Variants in PTCHD4 observed in about 807,000 individuals in gnomAD.
PTCHD4 encodes patched domain-containing protein 4.
PTCHD4 carries 33 observed loss-of-function variants against 58.1 expected under a neutral mutation model. That is an observed-to-expected ratio of 0.57 (90% CI 0.43 to 0.76). The LOEUF is 0.76. PTCHD4 is among the 30% of genes least tolerant of loss of function. PTCHD4 has a pLI of 0.00. For synonymous variants in PTCHD4, 478 were observed against 409.6 expected (o/e 1.17, Z -2.02); for missense variants, 1,058 against 1,027.1 (o/e 1.03, Z -0.41).
chr6:48,061,098 G>T (rs903982882), intron 3 of PTCHD4, among the ~76,000 whole-genome samples: 1 of 152,170 alleles, frequency 6.6e-6, no homozygotes, highest in African/African-American at 2.4e-5. Context: ...CCCATGTATG[G>T]TTCCCATATC....
intron 4 of PTCHD4, among the ~76,000 whole-genome samples, chr6:47,911,423 T>C (rs1270771067): frequency 6.6e-6 from 1 of 152,160 alleles, no homozygotes; most frequent in African/African-American, 2.4e-5. Context: ...GTTTCTAATC[T>C]CTATGCTGCT....
rs528768571 is a variant in PTCHD4 at position 48,004,437 on chromosome 6, A to G, written c.898+4197T>C. Among the ~76,000 whole-genome samples, 43 of 152,290 alleles carry G rather than the reference A, an allele frequency of 2.8e-4. No homozygotes were observed. In the South Asian group the frequency reaches 8.3e-3, roughly 29 times the overall value. Reference sequence around the variant, plus strand: ...AAAGCACAGAATGAGCCAGCTTGGCATCTGTGTGTAATATTAGCCCATATT... The same window carrying G: ...AAAGCACAGAATGAGCCAGCTTGGCGTCTGTGTGTAATATTAGCCCATATT... On this transcript the variant is annotated intron_variant, in intron 4 of 4. Transcript: ENST00000339488.
At chr6:48,037,904 T>TAAAAAAAA (rs200442793) in intron 3 of PTCHD4, among the ~76,000 whole-genome samples, 1 of 93,506 alleles carries the variant, frequency 1.1e-5, no homozygotes. Context: ...ATGCTAAAAG[T>TAAAAAAAA]AAAAAAAAAA....
chr6:47,962,884 G>T (rs982468778), intron 4 of PTCHD4, among the ~76,000 whole-genome samples: 13 of 151,784 alleles, frequency 8.6e-5, no homozygotes, highest in African/African-American at 2.7e-4. Flanking sequence ...GGCATGCCAG[G>T]TGCGGTGGCT....
intron 3 of PTCHD4, among the ~76,000 whole-genome samples, chr6:48,057,200 T>G (rs9473222): frequency 6.1e-5 from 9 of 146,704 alleles, no homozygotes; most frequent in African/African-American, 2.3e-4. Context: ...GTTTTTTTTG[T>G]TTTTTTTTTC....
chr6:47,999,785 A>C (rs1768650134), intron 4 of PTCHD4, among the ~76,000 whole-genome samples: 1 of 152,206 alleles, frequency 6.6e-6, no homozygotes, highest in South Asian at 2.1e-4. Context: ...CTAGTCACAG[A>C]TAATTAGAAC....
chr6:47,870,571 A>ATTGGAAACT lies in PTCHD4; in HGVS notation c.*7723_*7731dup, dbSNP rs551001440. On this transcript the variant is annotated 3_prime_UTR_variant, in exon 5 of 5. Coordinates refer to ENST00000339488, the MANE Select transcript of PTCHD4 (RefSeq NM_001384253.1). Reference sequence around the variant, plus strand: ...TTGATAATGGACCAAATTCAGGTGAATTGGAAACTTTGGAAACTTTGGAAG... The same window carrying ATTGGAAACT: ...TTGATAATGGACCAAATTCAGGTGAATTGGAAACTTTGGAAACTTTGGAAACTTTGGAAG... Among the ~76,000 whole-genome samples, 2 of 151,650 alleles carry ATTGGAAACT rather than the reference A, an allele frequency of 1.3e-5. No homozygotes were observed. The highest frequency in any genetic ancestry group is 3.0e-5 in the Non-Finnish European group (2 of 67,748).
chr6:47,892,115 A>G (rs1268059537), intron 4 of PTCHD4, among the ~76,000 whole-genome samples: 1 of 152,184 alleles, frequency 6.6e-6, no homozygotes, highest in Admixed American at 6.5e-5. Context: ...ATGAATATTA[A>G]CATAGGAGGA....
chr6:48,029,104 T>C lies in PTCHD4; in HGVS notation c.418-19990A>G, dbSNP rs571832245. ...ATATGTGCTGGTATAATACTATCAATCATAATTCCGGTTACTGTTTTAAAC... is the reference window on the plus strand; with the variant it reads ...ATATGTGCTGGTATAATACTATCAACCATAATTCCGGTTACTGTTTTAAAC... On this transcript the variant is annotated intron_variant, in intron 3 of 4. Transcript: ENST00000339488. Among the ~76,000 whole-genome samples, 15 of 152,190 alleles carry C rather than the reference T, an allele frequency of 9.9e-5. No homozygotes were observed. In the South Asian group the frequency reaches 2.9e-3, roughly 29 times the overall value.
chr6:47,861,676 G>A lies in PTCHD4; in HGVS notation c.*16627C>T, dbSNP rs931036928. The stretch of plus-strand genomic sequence containing the variant: ...TTTAGATTAATAGCAGGTTAATTAG[G>A]TTAATAGCAGGCAAATAAATAATAA... On this transcript the variant is annotated 3_prime_UTR_variant, in exon 5 of 5. Coordinates refer to ENST00000339488, the MANE Select transcript of PTCHD4 (RefSeq NM_001384253.1). 1.3e-4 allele frequency among the ~76,000 whole-genome samples: 20 copies of A among 151,880 alleles called. No individual in the cohort carries two copies. Among genetic ancestry groups the A allele is most frequent in the African/African-American group, 1.9e-4 (8 of 41,402 alleles).
At chr6:47,907,706 C>G (rs1387234125) in intron 4 of PTCHD4, among the ~76,000 whole-genome samples, 1 of 152,136 alleles carries the variant, frequency 6.6e-6, no homozygotes, top group Non-Finnish European at 1.5e-5. Context: ...CGCCCCATTC[C>G]AGCAAAACAT....
At chr6:48,010,163 A>G (rs1435321785) in intron 3 of PTCHD4, among the ~76,000 whole-genome samples, 2 of 152,226 alleles carry the variant, frequency 1.3e-5, no homozygotes, top group Admixed American at 1.3e-4. Context: ...GATGAAGTAT[A>G]GTGTTGAAAG....
intron 1 of PTCHD4, among the ~76,000 whole-genome samples, chr6:48,103,432 C>T (rs1220505658): frequency 6.6e-6 from 1 of 152,106 alleles, no homozygotes. Flanking sequence ...GAAAGGACAT[C>T]CACACCAAAA....
At chr6:48,053,443 G>A (rs941890751) in intron 3 of PTCHD4, among the ~76,000 whole-genome samples, 2 of 152,062 alleles carry the variant, frequency 1.3e-5, no homozygotes, top group Admixed American at 1.3e-4. Context: ...AACAAACAAT[G>A]ACCATCTCAG....
chr6:47,907,735 T>G (rs1451227386), intron 4 of PTCHD4, among the ~76,000 whole-genome samples: 1 of 152,140 alleles, frequency 6.6e-6, no homozygotes, highest in South Asian at 2.1e-4. Flanking sequence ...AAACCATGCC[T>G]ACCTCTGTTC....
intron 4 of PTCHD4, among the ~76,000 whole-genome samples, chr6:47,967,969 G>C (rs538036181): frequency 3.3e-5 from 5 of 152,272 alleles, no homozygotes; most frequent in South Asian, 4.1e-4. Context: ...CACTGGAGTA[G>C]CACTTTTACT....
intron 3 of PTCHD4, among the ~76,000 whole-genome samples, chr6:48,016,146 CAG>C (rs1562008515): frequency 6.6e-6 from 1 of 151,840 alleles, no homozygotes; most frequent in East Asian, 1.9e-4. Context: ...AGTCAACAGA[CAG>C]GGGGACTTAG....
At chr6:47,958,659 C>T (rs904069097) in intron 4 of PTCHD4, among the ~76,000 whole-genome samples, 2 of 152,192 alleles carry the variant, frequency 1.3e-5, no homozygotes, top group Non-Finnish European at 2.9e-5. Flanking sequence ...AAGAACTCTG[C>T]AGATCTGCAG....
In PTCHD4 at chr6:47,872,333, C is replaced by T. The variant is rs528760940; in HGVS notation, c.*5970G>A. Among the ~76,000 whole-genome samples the T allele has an allele frequency of 1.3e-5, 2 of 151,618 alleles. No individual in the cohort carries two copies. The highest frequency in any genetic ancestry group is 3.0e-5 in the Non-Finnish European group (2 of 67,750). On this transcript the variant is annotated 3_prime_UTR_variant, in exon 5 of 5. Transcript: ENST00000339488. ...TCTTCCAAAGCATTAGAATTTTTTT[C>T]CCCCTCTGGTTTGACAGAGCCTTGT...
Sources: allele counts gnomAD v4.1 joint callset (sites outside exome capture counted in the v4.1 genomes callset), GRCh38; gene constraint gnomAD v4.1.1; transcripts MANE v1.5; gene names NCBI Gene and HGNC (gene_info 2026-07-23, HGNC 2026-07-21).